The following GNG12 variants were observed in gnomAD, a reference collection of about 807,000 sequenced individuals.
The protein encoded by GNG12 is guanine nucleotide-binding protein G(I)/G(S)/G(O) subunit gamma-12.
For missense variants in GNG12, 69 were observed against 83.8 expected (o/e 0.82, Z 0.69); for synonymous variants, 28 against 29.7 (o/e 0.94, Z 0.19).
At position 67,731,727 on chromosome 1, in the gene GNG12, G is replaced by A. The variant is rs77738534; in HGVS notation, c.-26-24015C>T. Among the ~76,000 whole-genome samples the A allele has an allele frequency of 6.8e-3, 1,035 of 152,314 alleles. 15 individuals are homozygous for A. The highest frequency in any genetic ancestry group is 0.023 in the African/African-American group (951 of 41,560). The stretch of plus-strand genomic sequence containing the variant: ...TGAAAGCTACTGAAAAATTTAAAGC[G>A]GGGCATGATATGATCAGATATGTGC... On this transcript the variant is annotated intron_variant, in intron 2 of 3. Transcript: ENST00000370982.
At chr1:67,727,832 G>A (rs539951077) in intron 2 of GNG12, among the ~76,000 whole-genome samples, 38 of 152,246 alleles carry the variant, frequency 2.5e-4, no homozygotes, top group African/African-American at 8.9e-4. Flanking sequence ...TCTACTTGTG[G>A]TCTTGCATGA....
intron 2 of GNG12, among the ~76,000 whole-genome samples, chr1:67,714,463 C>T (rs928217607): frequency 1.3e-5 from 2 of 152,200 alleles, no homozygotes. Context: ...CAATACTTTC[C>T]TATCTCAAAG....
intron 2 of GNG12, among the ~76,000 whole-genome samples, chr1:67,718,575 T>A (rs1252189633): frequency 6.6e-6 from 1 of 152,066 alleles, no homozygotes; most frequent in Non-Finnish European, 1.5e-5. Flanking sequence ...AATTCTCCAC[T>A]TTGACAACCC....
At chr1:67,827,424 G>GTT (rs536310689) in intron 1 of GNG12, among the ~76,000 whole-genome samples, 2 of 147,540 alleles carry the variant, frequency 1.4e-5, no homozygotes, top group Non-Finnish European at 1.5e-5. Flanking sequence ...CAACACTCCA[G>GTT]TTTTTTTTTT....
At chr1:67,706,602 C>T (rs1646249400) in intron 3 of GNG12, among the ~76,000 whole-genome samples, 1 of 152,070 alleles carries the variant, frequency 6.6e-6, no homozygotes, top group South Asian at 2.1e-4. Flanking sequence ...TGACTATCTC[C>T]AGGCCCAGAG....
rs1039207952 is a variant in GNG12, at chr1:67,782,070, G to A, written c.-76-4563C>T. Among the ~76,000 whole-genome samples the A allele has an allele frequency of 5.3e-5, 8 of 152,110 alleles. No individual in the cohort carries two copies. In the South Asian group the frequency reaches 1.5e-3, roughly 28 times the overall value. Reference sequence around the variant, plus strand: ...CTATGCAACAGCACAGGTACTATATGGTTTCACTTGCAAATTCTGATATGA... The same window carrying A: ...CTATGCAACAGCACAGGTACTATATAGTTTCACTTGCAAATTCTGATATGA... On this transcript the variant is annotated intron_variant, in intron 1 of 3. Transcript: ENST00000370982.
Position 67,812,094 on chromosome 1 carries a change from A to G in GNG12, c.-77+21250T>C, listed in dbSNP as rs183326869. ...GGCTTAGGGAATGCCAAGTTAAGCA[A>G]GTTATTATAAAAGCTAGCACCCACT... On this transcript the variant is annotated intron_variant, in intron 1 of 3. Coordinates refer to ENST00000370982, the MANE Select transcript of GNG12 (RefSeq NM_018841.6). Among the ~76,000 whole-genome samples, 150 of 152,290 alleles carry G rather than the reference A, an allele frequency of 9.8e-4. 1 individual carries two copies. Among genetic ancestry groups the G allele is most frequent in the Middle Eastern group, 3.4e-3 (1 of 294 alleles).
intron 1 of GNG12, among the ~76,000 whole-genome samples, chr1:67,803,531 A>G (rs1322390698): frequency 6.6e-6 from 1 of 152,166 alleles, no homozygotes; most frequent in African/African-American, 2.4e-5. Flanking sequence ...AGTGGTGACA[A>G]TGACTTTTCT....
At chr1:67,761,062 A>T (rs1646600311) in intron 2 of GNG12, among the ~76,000 whole-genome samples, 1 of 152,226 alleles carries the variant, frequency 6.6e-6, no homozygotes, top group Admixed American at 6.5e-5. Context: ...GTTGTGCTAG[A>T]TACTGGAAGA....
At chr1:67,827,242 T>C (rs1647016143) in intron 1 of GNG12, among the ~76,000 whole-genome samples, 1 of 152,204 alleles carries the variant, frequency 6.6e-6, no homozygotes, top group South Asian at 2.1e-4. Flanking sequence ...TGGCCTACTG[T>C]GTCAGAAAGC....
At chr1:67,740,795 A>G (rs1041650751) in intron 2 of GNG12, among the ~76,000 whole-genome samples, 2 of 152,316 alleles carry the variant, frequency 1.3e-5, no homozygotes, top group South Asian at 2.1e-4. Flanking sequence ...CATAGCAAGA[A>G]GGCACCGTGT....
rs1557590926 is a variant in GNG12, at chr1:67,707,608, T to C, written c.79A>G (p.Ile27Val). Reference protein sequence around the residue: ...TVQQLRLEASIERIKVSKASA... With the variant: ...TVQQLRLEASVERIKVSKASA... ...GGGCTTCTTACCTTTATTCTTTCAA[T>C]GGAGGCTTCTAATCTTAACTGCTGC... The change falls in exon 3 of 4, where the codon ATT becomes GTT. Residue 27 changes from isoleucine to valine, a missense_variant. Coordinates refer to ENST00000370982, the MANE Select transcript of GNG12 (RefSeq NM_018841.6). 7 of 1,581,300 alleles carry C rather than the reference T, an allele frequency of 4.4e-6. No homozygotes were observed. Among genetic ancestry groups the C allele is most frequent in the Non-Finnish European group, 6.1e-6 (7 of 1,153,754 alleles).
At chr1:67,791,185 A>G (rs1272582017) in intron 1 of GNG12, among the ~76,000 whole-genome samples, 2 of 151,986 alleles carry the variant, frequency 1.3e-5, no homozygotes, top group East Asian at 3.9e-4. Context: ...GGATATGATG[A>G]TGTAAATACA....
chr1:67,717,204 A>T (rs977919473), intron 2 of GNG12, among the ~76,000 whole-genome samples: 2 of 152,126 alleles, frequency 1.3e-5, no homozygotes, highest in African/African-American at 4.8e-5. Flanking sequence ...CCTGGGGATT[A>T]AAAAATGTCA....
At chr1:67,755,528 G>A (rs915567880) in intron 2 of GNG12, among the ~76,000 whole-genome samples, 5 of 152,088 alleles carry the variant, frequency 3.3e-5, no homozygotes, top group Admixed American at 6.5e-5. Context: ...ATCGTCTTCC[G>A]GCCTCACACT....
rs771838180 is a variant in GNG12 at position 67,709,912 on chromosome 1, TTA to T, written c.-26-2202_-26-2201del. ...TAGTTATATATATATTTTTATATAG[TTA>T]TATATATAGTTATATATATAGTTAT... On this transcript the variant is annotated intron_variant, in intron 2 of 3. Coordinates refer to ENST00000370982, the MANE Select transcript of GNG12 (RefSeq NM_018841.6). 2.7e-3 allele frequency among the ~76,000 whole-genome samples: 136 copies of T among 50,312 alleles called. 6 individuals carry two copies. Among genetic ancestry groups the T allele is most frequent in the African/African-American group, 7.8e-3 (105 of 13,518 alleles). The allele number at this position is 50,312 out of a possible 152,430, so 33.0% of individuals were successfully genotyped here.
In GNG12 at chr1:67,714,356, GCTCA is replaced by G. The variant is rs541277058; in HGVS notation, c.-26-6648_-26-6645del. 3.1e-3 allele frequency among the ~76,000 whole-genome samples: 473 copies of G among 152,250 alleles called. 1 individual carries two copies. Among genetic ancestry groups the G allele is most frequent in the African/African-American group, 0.011 (448 of 41,548 alleles). ...TCAGGGATTCGCCGGGGGCATCTGG[GCTCA>G]CTCCCGTCCTGCCACTTCCCAGATC... On this transcript the variant is annotated intron_variant, in intron 2 of 3. Transcript: ENST00000370982.
intron 2 of GNG12, among the ~76,000 whole-genome samples, chr1:67,725,809 CT>C (rs1184638021): frequency 6.6e-6 from 1 of 152,176 alleles, no homozygotes; most frequent in Non-Finnish European, 1.5e-5. Context: ...TCCAGTTCAT[CT>C]TAAGGAGTGA....
intron 2 of GNG12, among the ~76,000 whole-genome samples, chr1:67,768,458 AT>A (rs2100750223): frequency 6.6e-6 from 1 of 151,838 alleles, no homozygotes; most frequent in South Asian, 2.1e-4. Flanking sequence ...CCAAATTCCT[AT>A]TTGATTAAAA....
Sources: allele counts gnomAD v4.1 joint callset (sites outside exome capture counted in the v4.1 genomes callset), GRCh38; gene constraint gnomAD v4.1.1; transcripts MANE v1.5; gene names NCBI Gene and HGNC (gene_info 2026-07-23, HGNC 2026-07-21).